The following NHSL1 variants were observed in gnomAD, a reference collection of about 807,000 sequenced individuals.
The protein encoded by NHSL1 is NHS like 1.
NHSL1 carries 48 observed loss-of-function variants against 95.0 expected under a neutral mutation model. That is an observed-to-expected ratio of 0.51 (90% CI 0.40 to 0.64). The LOEUF (loss-of-function observed/expected upper bound fraction) is 0.64. Among genes scored for constraint, NHSL1 ranks in the 30% least tolerant of loss-of-function variants. The pLI is 0.00. For synonymous variants in NHSL1, 783 were observed against 833.9 expected, an observed-to-expected ratio of 0.94 and a Z score of 1.05; for missense variants, 1,971 against 2,077.7, an observed-to-expected ratio of 0.95 and a Z score of 1.00.
chr6:138,670,842 G>A (rs1785358693), intron 1 of NHSL1, among the ~76,000 whole-genome samples: 3 of 152,068 alleles, frequency 2.0e-5, no homozygotes, highest in Admixed American at 2.0e-4. Flanking sequence ...TAGAAGGACT[G>A]AAAAAGAAAG....
chr6:138,637,781 T>C (rs2114675654), intron 1 of NHSL1, among the ~76,000 whole-genome samples: 1 of 152,268 alleles, frequency 6.6e-6, no homozygotes, highest in Non-Finnish European at 1.5e-5. Context: ...TTAGTAGGAA[T>C]GTAAATTAGT....
At chr6:138,669,176 G>C (rs904121429) in intron 1 of NHSL1, among the ~76,000 whole-genome samples, 5 of 152,060 alleles carry the variant, frequency 3.3e-5, no homozygotes, top group Admixed American at 6.5e-5. Flanking sequence ...CACATAGAAA[G>C]TGTCCTGGAG....
chr6:138,663,777 A>G (rs1007694829), intron 1 of NHSL1, among the ~76,000 whole-genome samples: 2 of 152,134 alleles, frequency 1.3e-5, no homozygotes. Context: ...AGGTCAAAGC[A>G]GGAAAATTGC....
At chr6:138,529,581 A>T (rs1343485659) in intron 1 of NHSL1, among the ~76,000 whole-genome samples, 1 of 152,188 alleles carries the variant, frequency 6.6e-6, no homozygotes, top group Non-Finnish European at 1.5e-5. Flanking sequence ...CAAGGCCTAA[A>T]CTTAACTGTC....
At chr6:138,527,620 C>A (rs927304782) in intron 1 of NHSL1, among the ~76,000 whole-genome samples, 3 of 152,148 alleles carry the variant, frequency 2.0e-5, no homozygotes, top group Non-Finnish European at 4.4e-5. Context: ...ACATACTACG[C>A]CCCTTACCAA....
At chr6:138,522,928 A>C (rs1242999138) in intron 1 of NHSL1, among the ~76,000 whole-genome samples, 2 of 152,260 alleles carry the variant, frequency 1.3e-5, no homozygotes, top group Non-Finnish European at 2.9e-5. Flanking sequence ...AATCTGGGTT[A>C]ATGAATGACA....
At position 138,601,788 on chromosome 6, in the gene NHSL1, G is replaced by A. The variant is rs953829068; in HGVS notation, c.96+90688C>T. ...GATCACGCCACTGGATTCCAGCCTG[G>A]CGACAGAGCGAGACTCCATCTCAAA... On this transcript the variant is annotated intron_variant, in intron 1 of 3. Coordinates refer to the NHSL1 transcript ENST00000491526. Among the ~76,000 whole-genome samples the A allele has an allele frequency of 2.6e-5, 4 of 151,888 alleles. No homozygotes were observed. In the East Asian group the frequency reaches 7.7e-4, roughly 29 times the overall value.
At chr6:138,499,618 C>A, upstream of NHSL1, 1 of 243,008 alleles carries the variant, frequency 4.1e-6, no homozygotes, top group East Asian at 8.6e-5. Context: ...CTTTCTGCCT[C>A]AGTGCCCATT....
intron 1 of NHSL1, among the ~76,000 whole-genome samples, chr6:138,656,690 T>G (rs764295436): frequency 6.6e-6 from 1 of 152,298 alleles, no homozygotes; most frequent in Non-Finnish European, 1.5e-5. Flanking sequence ...TTCTTTGTGG[T>G]TGTCCTCGTA....
intron 1 of NHSL1, among the ~76,000 whole-genome samples, chr6:138,641,096 A>C (rs772682189): frequency 6.6e-5 from 10 of 152,234 alleles, no homozygotes; most frequent in Non-Finnish European, 1.3e-4. Context: ...GCAGATCACG[A>C]GTTTAAGACC....
chr6:138,587,703 T>G (rs957112767), intron 1 of NHSL1, among the ~76,000 whole-genome samples: 16 of 152,222 alleles, frequency 1.1e-4, no homozygotes, highest in Middle Eastern at 3.2e-3. Flanking sequence ...TCGATTCTAA[T>G]ATTTTAAAAT....
chr6:138,497,732 C>T (rs1428321946), intron 1 of NHSL1, among the ~76,000 whole-genome samples: 2 of 152,186 alleles, frequency 1.3e-5, no homozygotes, highest in Admixed American at 1.3e-4. Context: ...AAACTTTGAA[C>T]TGTCACTGTC....
At chr6:138,671,568 G>A (rs1015450562) in intron 1 of NHSL1, among the ~76,000 whole-genome samples, 15 of 152,096 alleles carry the variant, frequency 9.9e-5, no homozygotes, top group African/African-American at 2.9e-4. Flanking sequence ...TGACAGTGAA[G>A]GAGGTCACAC....
At chr6:138,680,378 C>A (rs1287897926) in intron 1 of NHSL1, among the ~76,000 whole-genome samples, 1 of 152,172 alleles carries the variant, frequency 6.6e-6, no homozygotes, top group Non-Finnish European at 1.5e-5. Flanking sequence ...AAATCAAATA[C>A]ACCAAACAGG....
At chr6:138,614,564 C>G (rs1784554056) in intron 1 of NHSL1, among the ~76,000 whole-genome samples, 1 of 152,170 alleles carries the variant, frequency 6.6e-6, no homozygotes, top group Non-Finnish European at 1.5e-5. Context: ...TTTCAATGAC[C>G]CTACAAGGTA....
intron 1 of NHSL1, among the ~76,000 whole-genome samples, chr6:138,526,355 C>A (rs1157699441): frequency 6.6e-6 from 1 of 152,104 alleles, no homozygotes; most frequent in Admixed American, 6.5e-5. Flanking sequence ...GTGGTGCTCA[C>A]CTGTAGTCCC....
At chr6:138,447,348 C>T (rs1187471207) in intron 3 of NHSL1, among the ~76,000 whole-genome samples, 155 bp from the exon 4 acceptor site, 1 of 152,200 alleles carries the variant, frequency 6.6e-6, no homozygotes, top group Non-Finnish European at 1.5e-5. Flanking sequence ...TGCTCAGCCT[C>T]TTGAGTCTGA....
intron 3 of NHSL1, among the ~76,000 whole-genome samples, chr6:138,458,487 GT>G (rs1263233413): frequency 6.6e-6 from 1 of 152,022 alleles, no homozygotes; most frequent in Admixed American, 6.6e-5. Flanking sequence ...AGGTCCGGGG[GT>G]TCGAGACCAG....
At chr6:138,648,589 G>T (rs1323076257) in intron 1 of NHSL1, among the ~76,000 whole-genome samples, 1 of 152,140 alleles carries the variant, frequency 6.6e-6, no homozygotes, top group African/African-American at 2.4e-5. Flanking sequence ...AGATATAATT[G>T]CTGGGACTTC....
Sources: allele counts gnomAD v4.1 joint callset (sites outside exome capture counted in the v4.1 genomes callset), GRCh38; gene constraint gnomAD v4.1.1; transcripts MANE v1.5; gene names NCBI Gene and HGNC (gene_info 2026-07-23, HGNC 2026-07-21).